Variants in FRMD4A observed in about 807,000 individuals in gnomAD.
FRMD4A encodes the protein FERM domain containing 4A.
A neutral mutation model predicts 129.1 loss-of-function variants in FRMD4A; 29 were observed. The ratio of observed to expected loss-of-function variants is 0.22; its 90% CI spans 0.17 to 0.31. The LOEUF is 0.31. Ranked by LOEUF, FRMD4A falls within the 10% of genes least tolerant of loss-of-function variation. FRMD4A has a pLI of 1.00. For synonymous variants in FRMD4A, 634 were observed against 571.6 expected (o/e 1.11, Z -1.56); for missense variants, 1,272 against 1,375.8 (o/e 0.92, Z 1.19).
At chr10:13,820,110 C>G (rs1033067665) in intron 3 of FRMD4A, among the ~76,000 whole-genome samples, 1 of 152,188 alleles carries the variant, frequency 6.6e-6, no homozygotes, top group Non-Finnish European at 1.5e-5. Context: ...CGAGGAACCC[C>G]AGTCACTAGA....
At chr10:13,969,782 G>T (rs1364514605) in intron 2 of FRMD4A, among the ~76,000 whole-genome samples, 3 of 152,170 alleles carry the variant, frequency 2.0e-5, no homozygotes, top group Non-Finnish European at 2.9e-5. Context: ...GGGAGGTTGA[G>T]GCTGCAATGA....
intron 2 of FRMD4A, among the ~76,000 whole-genome samples, chr10:14,202,945 G>A (rs1842682452): frequency 6.6e-6 from 1 of 152,010 alleles, no homozygotes; most frequent in South Asian, 2.1e-4. Context: ...GGCTAATTTT[G>A]TATTTTTCGT....
chr10:14,213,300 G>T (rs1029135889), intron 2 of FRMD4A, among the ~76,000 whole-genome samples: 5 of 152,134 alleles, frequency 3.3e-5, no homozygotes, highest in African/African-American at 9.7e-5. Context: ...GAACCTTCAT[G>T]GTTGAAATGA....
chr10:13,738,530 C>T (rs989027780), intron 11 of FRMD4A, among the ~76,000 whole-genome samples: 1 of 152,200 alleles, frequency 6.6e-6, no homozygotes, highest in South Asian at 2.1e-4. Flanking sequence ...AGCTGGGTGC[C>T]AGGCAGGGTT....
At chr10:13,667,221 C>A (rs1038436854) in intron 17 of FRMD4A, among the ~76,000 whole-genome samples, 1 of 152,142 alleles carries the variant, frequency 6.6e-6, no homozygotes, top group Admixed American at 6.5e-5. Flanking sequence ...CATGGGAGCT[C>A]ATTTTGCAAG....
intron 2 of FRMD4A, among the ~76,000 whole-genome samples, chr10:14,062,452 A>G (rs1408130474): frequency 2.6e-5 from 4 of 152,124 alleles, no homozygotes; most frequent in South Asian, 4.2e-4. Flanking sequence ...TTTGTGGCCA[A>G]TGCTGAAGGG....
At chr10:14,009,494 C>G (rs909673949) in intron 2 of FRMD4A, among the ~76,000 whole-genome samples, 1 of 152,150 alleles carries the variant, frequency 6.6e-6, no homozygotes, top group Non-Finnish European at 1.5e-5. Context: ...AGTGTGCTTA[C>G]TTCATTGAAA....
At chr10:13,735,092 C>T (rs184023266) in intron 12 of FRMD4A, among the ~76,000 whole-genome samples, 1 of 152,244 alleles carries the variant, frequency 6.6e-6, no homozygotes, top group African/African-American at 2.4e-5. Flanking sequence ...AGGCTGGTCT[C>T]GAACTCCTGA....
chr10:13,712,757 G>A (rs900154179), intron 12 of FRMD4A, among the ~76,000 whole-genome samples: 1 of 152,200 alleles, frequency 6.6e-6, no homozygotes, highest in Non-Finnish European at 1.5e-5. Context: ...TATGAAAACA[G>A]GAGGTGGGAA....
At chr10:13,931,298 C>T (rs1278394925) in intron 2 of FRMD4A, among the ~76,000 whole-genome samples, 1 of 152,194 alleles carries the variant, frequency 6.6e-6, no homozygotes, top group African/African-American at 2.4e-5. Context: ...TGACCTCCAG[C>T]TCTAGGGCTG....
In FRMD4A at chr10:14,101,035, G is replaced by C. The variant is rs537762906; in HGVS notation, c.45+229023C>G. Among the ~76,000 whole-genome samples, 8 of 152,262 alleles carry C rather than the reference G, an allele frequency of 5.3e-5. No homozygotes were observed. The South Asian group carries it at 1.7e-3, about 32-fold the overall frequency. On this transcript the variant is annotated intron_variant, in intron 2 of 24. Transcript: ENST00000357447. ...CTCCAGGGTTTCCCCAAGAACCTCT[G>C]ACATTCCCTAACCCCTTAGCCCTGA...
chr10:14,049,600 T>A (rs1328240249), intron 2 of FRMD4A, among the ~76,000 whole-genome samples: 1 of 152,210 alleles, frequency 6.6e-6, no homozygotes, highest in Admixed American at 6.5e-5. Flanking sequence ...GTTTCAGAGT[T>A]GAGTCTTACT....
chr10:13,828,704 G>C (rs369036265), intron 3 of FRMD4A, among the ~76,000 whole-genome samples: 1 of 152,062 alleles, frequency 6.6e-6, no homozygotes, highest in South Asian at 2.1e-4. Context: ...GGCTAATTTT[G>C]TATTTTTAGT....
At chr10:14,051,828 A>G (rs1386672386) in intron 2 of FRMD4A, among the ~76,000 whole-genome samples, 1 of 152,226 alleles carries the variant, frequency 6.6e-6, no homozygotes. Flanking sequence ...GAGATCGCAG[A>G]TGCCAGGTAG....
chr10:14,081,856 G>A (rs1325636887), intron 2 of FRMD4A, among the ~76,000 whole-genome samples: 7 of 152,126 alleles, frequency 4.6e-5, no homozygotes, highest in African/African-American at 1.7e-4. Context: ...AAGACCATAG[G>A]CCTACACTGC....
At chr10:14,264,497 C>T (rs1844911074) in intron 2 of FRMD4A, among the ~76,000 whole-genome samples, 2 of 152,196 alleles carry the variant, frequency 1.3e-5, no homozygotes, top group South Asian at 4.1e-4. Context: ...TGCATTAATT[C>T]AATCAACAGA....
At chr10:13,949,046 A>C (rs2095353632) in intron 2 of FRMD4A, among the ~76,000 whole-genome samples, 1 of 152,140 alleles carries the variant, frequency 6.6e-6, no homozygotes, top group African/African-American at 2.4e-5. Flanking sequence ...AAGTATGGGC[A>C]GTTGTGAGTG....
chr10:13,658,890 A>G (rs1486839844), intron 21 of FRMD4A, among the ~76,000 whole-genome samples: 2 of 151,904 alleles, frequency 1.3e-5, no homozygotes, highest in South Asian at 2.1e-4. Context: ...TCAAAAAAAA[A>G]AAAAAAAAAA....
At chr10:14,054,074 A>C (rs1400213421) in intron 2 of FRMD4A, among the ~76,000 whole-genome samples, 1 of 151,934 alleles carries the variant, frequency 6.6e-6, no homozygotes. Flanking sequence ...GTGAGGTGGG[A>C]TGATTTCTTG....
Sources: allele counts gnomAD v4.1 joint callset (sites outside exome capture counted in the v4.1 genomes callset), GRCh38; gene constraint gnomAD v4.1.1; transcripts MANE v1.5; gene names NCBI Gene and HGNC (gene_info 2026-07-23, HGNC 2026-07-21).